FTO: variants seen among roughly 807,000 people sequenced by gnomAD.
The protein encoded by FTO is FTO alpha-ketoglutarate dependent dioxygenase, also known as alpha-ketoglutarate-dependent dioxygenase FTO.
Under a neutral mutation model 63.9 loss-of-function variants are expected in FTO, and 47 were observed. That is an observed-to-expected ratio of 0.74 (90% CI 0.58 to 0.94). The LOEUF (loss-of-function observed/expected upper bound fraction) is 0.94. Among genes scored for constraint, FTO ranks in the 40% least tolerant of loss-of-function variants. The pLI, the probability that FTO is intolerant of heterozygous loss-of-function variation, is 0.00. For synonymous variants in FTO, 207 were observed against 224.4 expected, an observed-to-expected ratio of 0.92 and a Z score of 0.69; for missense variants, 562 against 618.1, an observed-to-expected ratio of 0.91 and a Z score of 0.96.
At chr16:53,878,909 A>T (rs917390011) in intron 5 of FTO, among the ~76,000 whole-genome samples, 1 of 152,208 alleles carries the variant, frequency 6.6e-6, no homozygotes, top group Non-Finnish European at 1.5e-5. Flanking sequence ...ATTCTCCATT[A>T]TTTGAAGAAT....
chr16:53,721,751 G>A (rs867200258), intron 1 of FTO, among the ~76,000 whole-genome samples: 2 of 152,022 alleles, frequency 1.3e-5, no homozygotes, highest in Non-Finnish European at 2.9e-5. Flanking sequence ...CTCTCTTTTC[G>A]AATATTGGTC....
At chr16:54,028,767 A>G (rs967895798) in intron 8 of FTO, among the ~76,000 whole-genome samples, 4 of 152,148 alleles carry the variant, frequency 2.6e-5, no homozygotes, top group Admixed American at 6.5e-5. Flanking sequence ...ATAATAAATT[A>G]TACTCTGCAT....
intron 8 of FTO, among the ~76,000 whole-genome samples, chr16:53,965,176 C>T (rs908395144): frequency 8.6e-5 from 13 of 151,990 alleles, no homozygotes; most frequent in African/African-American, 2.9e-4. Context: ...TGGGTTCAAG[C>T]GATTCTCCTG....
At chr16:54,104,668 T>C (rs368025710) in intron 8 of FTO, among the ~76,000 whole-genome samples, 2 of 152,190 alleles carry the variant, frequency 1.3e-5, no homozygotes, top group South Asian at 4.1e-4. Flanking sequence ...GGAGAATGCA[T>C]TATCATGTAG....
Position 53,960,142 on chromosome 16 carries a change from C to T in FTO, c.1364+26033C>T, listed in dbSNP as rs370190739. Among the ~76,000 whole-genome samples, 3 of 152,208 alleles carry T rather than the reference C, an allele frequency of 2.0e-5. No individual in the cohort carries two copies. The East Asian group carries it at 5.8e-4, about 29-fold the overall frequency. ...TGACAGTCATACTTTGTTAAAGATG[C>T]AATGGGGTCATCTCTTCTCTCCTTT... On this transcript the variant is annotated intron_variant, in intron 8 of 8. Coordinates refer to ENST00000471389, the MANE Select transcript of FTO (RefSeq NM_001080432.3).
Position 53,840,387 on chromosome 16 carries a change from C to T in FTO, c.752-3768C>T, listed in dbSNP as rs185079732. Among the ~76,000 whole-genome samples, 688 of 152,262 alleles carry T rather than the reference C, an allele frequency of 4.5e-3. 8 individuals are homozygous for T. The highest frequency in any genetic ancestry group is 0.015 in the African/African-American group (629 of 41,556). On this transcript the variant is annotated intron_variant, in intron 3 of 8. Coordinates refer to ENST00000471389, the MANE Select transcript of FTO (RefSeq NM_001080432.3). The stretch of plus-strand genomic sequence containing the variant: ...CTGTATGCTGTCATTAGTCATGTTA[C>T]ATTATTAGGTATTAGTCACATTACA...
intron 4 of FTO, 59 bp from the exon 5 acceptor site, chr16:53,873,727 A>T: frequency 7.9e-7 from 1 of 1,267,932 alleles, no homozygotes; most frequent in Non-Finnish European, 1.1e-6. Flanking sequence ...GTTAAATAAT[A>T]TATAGTATAT....
intron 7 of FTO, among the ~76,000 whole-genome samples, chr16:53,917,014 G>T (rs2081887016): frequency 6.6e-6 from 1 of 152,156 alleles, no homozygotes. Context: ...CAGAAGTCCA[G>T]TCACCACTTC....
chr16:53,796,807 A>G (rs773713536), intron 1 of FTO, among the ~76,000 whole-genome samples: 4 of 152,188 alleles, frequency 2.6e-5, no homozygotes, highest in Non-Finnish European at 5.9e-5. Context: ...ATTGGGGTAT[A>G]ATTGATATAG....
intron 4 of FTO, among the ~76,000 whole-genome samples, chr16:53,857,229 C>G (rs906251389): frequency 2.0e-5 from 3 of 152,114 alleles, no homozygotes; most frequent in African/African-American, 7.2e-5. Context: ...GATCCTTACC[C>G]TCCTCCCACC....
chr16:53,877,257 G>A (rs894385011), intron 5 of FTO, among the ~76,000 whole-genome samples: 1 of 152,152 alleles, frequency 6.6e-6, no homozygotes, highest in East Asian at 1.9e-4. Context: ...ACTTCTACAG[G>A]AATGTTCATA....
At chr16:53,731,082 G>C (rs555541022) in intron 1 of FTO, among the ~76,000 whole-genome samples, 2 of 152,196 alleles carry the variant, frequency 1.3e-5, no homozygotes, top group African/African-American at 4.8e-5. Context: ...TGTAGAGATA[G>C]GTTGTAAAAA....
At chr16:54,051,347 TG>T in intron 8 of FTO, among the ~76,000 whole-genome samples, 1 of 152,220 alleles carries the variant, frequency 6.6e-6, no homozygotes, top group Admixed American at 6.5e-5. Flanking sequence ...GGTTATGGGT[TG>T]GCAACCCAAT....
intron 7 of FTO, among the ~76,000 whole-genome samples, chr16:53,891,014 G>A (rs989975022): frequency 5.4e-5 from 8 of 149,450 alleles, no homozygotes; most frequent in Non-Finnish European, 7.4e-5. Flanking sequence ...TTTTTGAGAC[G>A]GAGTCTTGCT....
At chr16:54,029,099 C>A (rs1381865166) in intron 8 of FTO, among the ~76,000 whole-genome samples, 2 of 152,150 alleles carry the variant, frequency 1.3e-5, no homozygotes, top group Non-Finnish European at 2.9e-5. Context: ...ACAAAGGAAT[C>A]CAGAAAGATC....
At chr16:53,750,683 T>G (rs2076767903) in intron 1 of FTO, among the ~76,000 whole-genome samples, 1 of 152,244 alleles carries the variant, frequency 6.6e-6, no homozygotes, top group African/African-American at 2.4e-5. Context: ...TTGGTAAGTT[T>G]GCTTACCATC....
At chr16:53,788,506 G>A (rs934030120) in intron 1 of FTO, among the ~76,000 whole-genome samples, 5 of 151,494 alleles carry the variant, frequency 3.3e-5, no homozygotes, top group Non-Finnish European at 1.5e-5. Context: ...AGGAGGCTGA[G>A]GCAGGAGAAT....
chr16:53,883,529 G>A (rs1165434737), intron 6 of FTO, among the ~76,000 whole-genome samples: 1 of 150,428 alleles, frequency 6.6e-6, no homozygotes, highest in African/African-American at 2.5e-5. Context: ...GGCTGAGGCA[G>A]GAGAATCGCT....
At chr16:53,817,174 G>A (rs867930599) in intron 2 of FTO, among the ~76,000 whole-genome samples, 4 of 152,338 alleles carry the variant, frequency 2.6e-5, no homozygotes, top group African/African-American at 4.8e-5. Context: ...TAAACAAAAT[G>A]AAATGAAGTA....
Sources: gnomAD v4.1 joint callset for allele counts (sites outside exome capture counted in the v4.1 genomes callset) on GRCh38, gnomAD v4.1.1 for gene constraint, MANE v1.5 for transcripts, NCBI Gene and HGNC (gene_info 2026-07-23, HGNC 2026-07-21) for gene names.